Variants in AGBL1 observed in about 807,000 individuals in gnomAD.
AGBL1 encodes the protein cytosolic carboxypeptidase 4.
A neutral mutation model predicts 118.9 loss-of-function variants in AGBL1; 130 were observed. The observed-to-expected ratio is 1.09, with a 90% CI of 0.95 to 1.26. The LOEUF is 1.26. Among genes scored for constraint, AGBL1 ranks in the 50% most tolerant of loss-of-function variants. The probability of loss-of-function intolerance (pLI) is 0.00; values close to 1 mark genes in which losing one functional copy is unlikely to be tolerated. For synonymous variants in AGBL1, 555 were observed against 478.9 expected, an observed-to-expected ratio of 1.16 and a Z score of -2.08; for missense variants, 1,584 against 1,298.1, an observed-to-expected ratio of 1.22 and a Z score of -3.38.
At chr15:86,738,531 G>T (rs2077633580) in intron 22 of AGBL1, among the ~76,000 whole-genome samples, 1 of 152,076 alleles carries the variant, frequency 6.6e-6, no homozygotes, top group Non-Finnish European at 1.5e-5. Context: ...TCAGTAAACT[G>T]GCAAAATACA....
chr15:86,415,519 T>C (rs902370047), intron 18 of AGBL1, among the ~76,000 whole-genome samples: 2 of 152,170 alleles, frequency 1.3e-5, no homozygotes, highest in Non-Finnish European at 2.9e-5. Context: ...AAACAACACT[T>C]ATAAGAACAG....
intron 24 of AGBL1, among the ~76,000 whole-genome samples, chr15:87,012,228 C>CAT (rs3221288): frequency 3.4e-5 from 5 of 148,524 alleles, no homozygotes; most frequent in Non-Finnish European, 7.4e-5. Flanking sequence ...CACACACACA[C>CAT]GCTTGCATAT....
intron 22 of AGBL1, among the ~76,000 whole-genome samples, chr15:86,758,731 G>C (rs1042991454): frequency 2.0e-5 from 3 of 151,976 alleles, no homozygotes; most frequent in Admixed American, 2.0e-4. Flanking sequence ...CAGCACTTTG[G>C]GAGGCCGAGG....
At chr15:86,868,035 T>C (rs1874710348) in intron 22 of AGBL1, among the ~76,000 whole-genome samples, 1 of 152,162 alleles carries the variant, frequency 6.6e-6, no homozygotes, top group South Asian at 2.1e-4. Flanking sequence ...AGATGTCAGA[T>C]TGTGTATATT....
At chr15:86,277,864 T>G (rs1350381935) in intron 15 of AGBL1, among the ~76,000 whole-genome samples, 1 of 152,260 alleles carries the variant, frequency 6.6e-6, no homozygotes, top group Non-Finnish European at 1.5e-5. Context: ...CTCACACATA[T>G]GTGCTTACAA....
chr15:86,975,584 C>G (rs1244208636), intron 23 of AGBL1, among the ~76,000 whole-genome samples: 1 of 152,112 alleles, frequency 6.6e-6, no homozygotes, highest in Non-Finnish European at 1.5e-5. Flanking sequence ...ATTCCCATTG[C>G]TCTCCATGCT....
At chr15:86,855,329 A>G (rs2079462663) in intron 22 of AGBL1, among the ~76,000 whole-genome samples, 1 of 152,270 alleles carries the variant, frequency 6.6e-6, no homozygotes, top group Non-Finnish European at 1.5e-5. Context: ...CTTAGTATAA[A>G]GCCAAGGAGA....
chr15:87,015,617 G>C (rs960673349), intron 24 of AGBL1, among the ~76,000 whole-genome samples: 5 of 152,146 alleles, frequency 3.3e-5, no homozygotes, highest in Non-Finnish European at 7.3e-5. Context: ...TGGTTTAGTG[G>C]AGGGAAACAG....
intron 22 of AGBL1, among the ~76,000 whole-genome samples, chr15:86,891,056 G>A (rs2080045520): frequency 6.6e-6 from 1 of 151,964 alleles, no homozygotes; most frequent in South Asian, 2.1e-4. Flanking sequence ...ATTTGTTTGT[G>A]TCCTTTCTGA....
chr15:86,480,526 T>C (rs946249586), intron 18 of AGBL1, among the ~76,000 whole-genome samples: 1 of 152,032 alleles, frequency 6.6e-6, no homozygotes, highest in Non-Finnish European at 1.5e-5. Flanking sequence ...TAAACATTCA[T>C]TGAACATCAA....
At chr15:86,319,837 A>ACCTTCG (rs2080078115) in intron 17 of AGBL1, among the ~76,000 whole-genome samples, 1 of 125,872 alleles carries the variant, frequency 7.9e-6, no homozygotes, top group Non-Finnish European at 1.6e-5. Flanking sequence ...GTTCACTGCC[A>ACCTTCG]CCTTCGCCTC....
chr15:86,213,632 G>A (rs2078137497), intron 5 of AGBL1, among the ~76,000 whole-genome samples: 1 of 152,154 alleles, frequency 6.6e-6, no homozygotes, highest in South Asian at 2.1e-4. Context: ...AAGTGAGGGA[G>A]CACTTTGTAG....
chr15:86,720,356 A>C (rs889789293), intron 22 of AGBL1, among the ~76,000 whole-genome samples: 1 of 152,202 alleles, frequency 6.6e-6, no homozygotes, highest in African/African-American at 2.4e-5. Flanking sequence ...AGTTATGTTT[A>C]CTTTCTGTCA....
chr15:86,532,680 T>A (rs550675161), intron 19 of AGBL1, among the ~76,000 whole-genome samples: 183 of 151,748 alleles, frequency 1.2e-3, no homozygotes, highest in African/African-American at 4.2e-3. Context: ...AGAACAAAGC[T>A]GGAGGCATCA....
intron 1 of AGBL1, among the ~76,000 whole-genome samples, chr15:86,104,504 G>C (rs1457695120): frequency 6.6e-6 from 1 of 152,188 alleles, no homozygotes; most frequent in African/African-American, 2.4e-5. Context: ...TTGTGCTTTG[G>C]CCCTGGGTGC....
chr15:86,156,511 GC>G (rs1189617359), intron 4 of AGBL1, among the ~76,000 whole-genome samples: 1 of 152,172 alleles, frequency 6.6e-6, no homozygotes, highest in Non-Finnish European at 1.5e-5. Flanking sequence ...GAAGATTAGG[GC>G]TTCAATGTAT....
chr15:86,890,029 C>G (rs915412304), intron 22 of AGBL1, among the ~76,000 whole-genome samples: 1 of 152,134 alleles, frequency 6.6e-6, no homozygotes, highest in Non-Finnish European at 1.5e-5. Context: ...TAAAAGTGTT[C>G]CTTTTTCTCT....
At position 86,635,300 on chromosome 15, in the gene AGBL1, C is replaced by T. The variant is rs1272177574; in HGVS notation, c.2995-38973C>T. Among the ~76,000 whole-genome samples, 7 of 46,416 alleles carry T rather than the reference C, an allele frequency of 1.5e-4. 1 individual carries two copies. The highest frequency in any genetic ancestry group is 2.5e-4 in the Non-Finnish European group (7 of 27,562). 30.5% of individuals were successfully genotyped at this position (46,416 alleles called of 152,430 possible). A position where few individuals can be genotyped will look rare whatever the true frequency, so the allele number is the denominator to read the frequency against. Reference sequence around the variant, plus strand: ...CCTCCTTCCCCTCCCCCTCCCCCTCCCCTCCTCCTCCTCCTCCTCCTCCTC... The same window carrying T: ...CCTCCTTCCCCTCCCCCTCCCCCTCTCCTCCTCCTCCTCCTCCTCCTCCTC... On this transcript the variant is annotated intron_variant, in intron 21 of 22. Transcript: ENST00000614907.
At chr15:86,573,962 T>G (rs948414943) in intron 21 of AGBL1, among the ~76,000 whole-genome samples, 2 of 152,186 alleles carry the variant, frequency 1.3e-5, no homozygotes, top group Non-Finnish European at 2.9e-5. Flanking sequence ...TTCAAAATGA[T>G]GTATAGTTTA....
Sources: allele counts gnomAD v4.1 joint callset (sites outside exome capture counted in the v4.1 genomes callset), GRCh38; gene constraint gnomAD v4.1.1; transcripts MANE v1.5; gene names NCBI Gene and HGNC (gene_info 2026-07-23, HGNC 2026-07-21).